Variants in CDIN1 observed in about 807,000 individuals in gnomAD.
CDIN1 encodes the protein CDAN1 interacting nuclease 1.
Under a neutral mutation model 45.3 loss-of-function variants are expected in CDIN1, and 33 were observed. The ratio of observed to expected loss-of-function variants is 0.73; its 90% CI spans 0.55 to 0.97. The LOEUF is 0.97. Ranked by LOEUF, CDIN1 falls within the 50% of genes least tolerant of loss-of-function variation. The pLI is 0.00. For synonymous variants in CDIN1, 118 were observed against 124.4 expected (o/e 0.95, Z 0.34); for missense variants, 303 against 339.4 (o/e 0.89, Z 0.84).
intron 8 of CDIN1, among the ~76,000 whole-genome samples, chr15:36,700,615 C>G (rs1566912025): frequency 2.0e-5 from 3 of 151,228 alleles, no homozygotes; most frequent in Non-Finnish European, 4.4e-5. Flanking sequence ...GCCAGTTGAG[C>G]TCATAAGGTT....
chr15:36,647,344 G>A (rs752756924), intron 3 of CDIN1, among the ~76,000 whole-genome samples: 1 of 152,084 alleles, frequency 6.6e-6, no homozygotes, highest in African/African-American at 2.4e-5. Context: ...ATACCTTTAA[G>A]TATACCCAAT....
chr15:36,619,055 A>G lies in CDIN1; in HGVS notation c.102-25223A>G, dbSNP rs1238150804. ...GTGTCTCCCACGACAAACAAAGACAATGAAGCTCCTTAGAAGTCCCTTGAG... is the reference window on the plus strand; with the variant it reads ...GTGTCTCCCACGACAAACAAAGACAGTGAAGCTCCTTAGAAGTCCCTTGAG... On this transcript the variant is annotated intron_variant, in intron 1 of 10. Transcript: ENST00000566621. 10 of 1,275,468 alleles carry G rather than the reference A, an allele frequency of 7.8e-6. No homozygotes were observed. In the Admixed American group the frequency reaches 1.9e-4, roughly 25 times the overall value. 79.0% of individuals were successfully genotyped at this position (1,275,468 alleles called of 1,614,324 possible).
intron 10 of CDIN1, among the ~76,000 whole-genome samples, chr15:36,717,049 G>C (rs1314315463): frequency 6.6e-6 from 1 of 152,130 alleles, no homozygotes; most frequent in Non-Finnish European, 1.5e-5. Context: ...GGCTTGCTAA[G>C]CTAAAACTAC....
At chr15:36,794,076 T>TTTTA (rs2054724404) in intron 10 of CDIN1, among the ~76,000 whole-genome samples, 1 of 150,292 alleles carries the variant, frequency 6.7e-6, no homozygotes, top group African/African-American at 2.4e-5. Context: ...TTTTTTTTTT[T>TTTTA]GAGATGGAGT....
chr15:36,718,812 C>CTTTTTTTTTTTTTTTTTTTTTTTGT (rs2043304872), intron 10 of CDIN1, among the ~76,000 whole-genome samples: 1 of 96,626 alleles, frequency 1.0e-5, no homozygotes, highest in Non-Finnish European at 2.0e-5. Flanking sequence ...AATTTGTATG[C>CTTTTTTTTTTTTTTTTTTTTTTTGT]TTTTTTTTTT....
intron 1 of CDIN1, among the ~76,000 whole-genome samples, chr15:36,583,221 C>T (rs948088469): frequency 2.6e-5 from 4 of 151,944 alleles, no homozygotes; most frequent in Admixed American, 6.6e-5. Flanking sequence ...AAAAATATTT[C>T]ACCTAAATTT....
At chr15:36,798,720 G>A (rs1322857274) in intron 10 of CDIN1, 1 of 152,136 alleles carries the variant, frequency 6.6e-6, no homozygotes, top group Non-Finnish European at 1.5e-5. Context: ...TGAGAACTAT[G>A]CCAAGGAAAA....
chr15:36,612,794 C>T (rs1374439449), intron 1 of CDIN1, among the ~76,000 whole-genome samples: 1 of 152,258 alleles, frequency 6.6e-6, no homozygotes, highest in Admixed American at 6.5e-5. Flanking sequence ...GGAGCGGTTA[C>T]TGATTATATA....
chr15:36,786,045 C>T (rs1221730642), intron 10 of CDIN1, among the ~76,000 whole-genome samples: 1 of 152,208 alleles, frequency 6.6e-6, no homozygotes, highest in African/African-American at 2.4e-5. Flanking sequence ...TTTATCCTGA[C>T]TTTCCAGTGG....
intron 1 of CDIN1, chr15:36,617,478 G>T: frequency 1.1e-6 from 1 of 922,512 alleles, no homozygotes; most frequent in Non-Finnish European, 1.8e-6. Context: ...TAGAATTCTG[G>T]TTTTCACGAG....
chr15:36,585,070 T>C (rs1273008251), intron 1 of CDIN1, among the ~76,000 whole-genome samples: 1 of 152,218 alleles, frequency 6.6e-6, no homozygotes, highest in African/African-American at 2.4e-5. Context: ...CTGTTACTTA[T>C]AAGGTTATAT....
intron 1 of CDIN1, among the ~76,000 whole-genome samples, chr15:36,631,442 A>G (rs1231152236): frequency 6.6e-6 from 1 of 152,192 alleles, no homozygotes; most frequent in Non-Finnish European, 1.5e-5. Context: ...CCTGACAACT[A>G]CTAATCTGCT....
At chr15:36,726,803 G>A (rs1261373326) in intron 10 of CDIN1, among the ~76,000 whole-genome samples, 1 of 152,064 alleles carries the variant, frequency 6.6e-6, no homozygotes, top group African/African-American at 2.4e-5. Context: ...AGTATAAACT[G>A]TAGTAGAGCC....
intron 10 of CDIN1, among the ~76,000 whole-genome samples, chr15:36,717,276 C>G (rs1460801360): frequency 6.6e-6 from 1 of 152,036 alleles, no homozygotes; most frequent in Admixed American, 6.6e-5. Flanking sequence ...AGTGAGCATA[C>G]CTGCCACCCC....
intron 10 of CDIN1, among the ~76,000 whole-genome samples, chr15:36,727,709 C>T (rs779629573): frequency 6.6e-6 from 1 of 151,926 alleles, no homozygotes; most frequent in Non-Finnish European, 1.5e-5. Context: ...CATAAAAGGG[C>T]CAAAAGGTGA....
At chr15:36,664,023 G>T (rs2041134141) in intron 5 of CDIN1, among the ~76,000 whole-genome samples, 1 of 152,164 alleles carries the variant, frequency 6.6e-6, no homozygotes. Flanking sequence ...GGTTTACAAT[G>T]AAAGTAATAA....
At chr15:36,685,239 A>C (rs1454888690) in intron 5 of CDIN1, among the ~76,000 whole-genome samples, 2 of 149,922 alleles carry the variant, frequency 1.3e-5, no homozygotes, top group Non-Finnish European at 3.0e-5. Flanking sequence ...TTCCCTCTAC[A>C]CACTGCTTTG....
chr15:36,764,552 C>T (rs2053861363), intron 10 of CDIN1, among the ~76,000 whole-genome samples: 1 of 152,020 alleles, frequency 6.6e-6, no homozygotes, highest in Non-Finnish European at 1.5e-5. Context: ...TTGTTTATTC[C>T]CTGCCCCATT....
At chr15:36,718,671 T>A (rs566751500) in intron 10 of CDIN1, among the ~76,000 whole-genome samples, 4 of 152,100 alleles carry the variant, frequency 2.6e-5, no homozygotes, top group African/African-American at 9.7e-5. Flanking sequence ...AGGAATACAA[T>A]TGATTTTGTA....
Sources: allele counts gnomAD v4.1 joint callset (sites outside exome capture counted in the v4.1 genomes callset), GRCh38; gene constraint gnomAD v4.1.1; transcripts MANE v1.5; gene names NCBI Gene and HGNC (gene_info 2026-07-23, HGNC 2026-07-21).